The following PIGF variants were observed in gnomAD, a reference collection of about 807,000 sequenced individuals.
PIGF encodes GPI ethanolamine phosphate transferase, stabilizing subunit.
A neutral mutation model predicts 26.0 loss-of-function variants in PIGF; 23 were observed. That is an observed-to-expected ratio of 0.88 (90% CI 0.64 to 1.25). The LOEUF is 1.25. PIGF is among the 50% of genes most tolerant of loss of function. PIGF has a pLI of 0.00. For synonymous variants in PIGF, 93 were observed against 92.6 expected (o/e 1.00, Z -0.03); for missense variants, 278 against 249.9 (o/e 1.11, Z -0.76).
chr2:46,598,432 A>C (rs1358853796), intron 4 of PIGF, among the ~76,000 whole-genome samples: 1 of 152,052 alleles, frequency 6.6e-6, no homozygotes, highest in Non-Finnish European at 1.5e-5. Flanking sequence ...TATTAGTGTA[A>C]GCTTCTCTAA....
At chr2:46,598,896 A>C (rs1169124110) in intron 4 of PIGF, among the ~76,000 whole-genome samples, 3 of 152,186 alleles carry the variant, frequency 2.0e-5, no homozygotes, top group Admixed American at 1.3e-4. Context: ...AAAACAGCTG[A>C]CTGGATGCTT....
At position 46,581,507 on chromosome 2, in the gene PIGF, T is replaced by C; in HGVS notation, c.631A>G (p.Arg211Gly). The change falls in exon 6 of 6, where the codon AGA becomes GGA. Residue 211 changes from arginine to glycine, a missense_variant. Arg to Gly is a moderately radical substitution (Grantham distance 125). Coordinates refer to ENST00000281382, the MANE Select transcript of PIGF (RefSeq NM_002643.4). ...TTGTTCTTGTATGTAAGTTGCTTTC[T>C]ATTCCAGTATATCCAGAGTGGTGAA... ...VISPLWIYWN[R>G]KQLTYKNN 1.9e-6 allele frequency: 3 copies of C among 1,611,542 alleles called. No individual in the cohort carries two copies. Among genetic ancestry groups the C allele is most frequent in the Non-Finnish European group, 2.5e-6 (3 of 1,179,544 alleles).
intron 1 of PIGF, 50 bp downstream of exon 1, chr2:46,616,920 T>C: frequency 2.5e-6 from 1 of 396,278 alleles, no homozygotes; most frequent in Non-Finnish European, 4.6e-6. Context: ...TTCGCGGGGG[T>C]AGCTTGCACC....
chr2:46,581,235 G>A lies in PIGF; in HGVS notation c.*243C>T, dbSNP rs926374965. ...CTCAGAATTCTATAAAGTGTATTAA[G>A]AATGTTCCTTAAAGGTTTAAGAAGC... On this transcript the variant is annotated 3_prime_UTR_variant, in exon 6 of 6. Coordinates refer to ENST00000281382, the MANE Select transcript of PIGF (RefSeq NM_002643.4). 257 of 998,516 alleles carry A rather than the reference G, an allele frequency of 2.6e-4. 1 individual carries two copies. The highest frequency in any genetic ancestry group is 5.9e-5 in the Non-Finnish European group (41 of 693,694). The allele number at this position is 998,516 out of a possible 1,614,324, so 61.9% of individuals were successfully genotyped here.
At position 46,614,979 on chromosome 2, in the gene PIGF, C is replaced by A; in HGVS notation, c.186G>T (p.Val62=). 6.3e-7 allele frequency: 1 copy of A among 1,596,866 alleles called. No individual in the cohort carries two copies. The highest frequency in any genetic ancestry group is 1.1e-5 in the South Asian group (1 of 90,656). The change falls in exon 2 of 6, where the codon GTG becomes GTT. Residue 62 remains valine (V), a synonymous_variant. Transcript: ENST00000281382. The stretch of plus-strand genomic sequence containing the variant: ...TTCTTTTAGAGGATGTATTTGGTTT[C>A]ACTACTAAATATAGTACTAGATTGA... ...TAVNLVLYLV[V]KPNTSSKRSS...
intron 4 of PIGF, among the ~76,000 whole-genome samples, chr2:46,599,199 G>A (rs1669981895): frequency 6.6e-6 from 1 of 151,938 alleles, no homozygotes; most frequent in Non-Finnish European, 1.5e-5. Flanking sequence ...GGATATGAAG[G>A]GTACAATTAT....
At chr2:46,608,602 ATG>A (rs1202415222) in intron 4 of PIGF, among the ~76,000 whole-genome samples, 4 of 152,200 alleles carry the variant, frequency 2.6e-5, no homozygotes, top group Non-Finnish European at 2.9e-5. Context: ...GCCTTACAAA[ATG>A]TGTTTCTTAA....
chr2:46,597,220 T>A (rs568205212), intron 4 of PIGF, among the ~76,000 whole-genome samples: 3 of 146,886 alleles, frequency 2.0e-5, no homozygotes, highest in Non-Finnish European at 4.4e-5. Flanking sequence ...TCCATCTATC[T>A]TCCTTTTTCT....
chr2:46,608,863 G>A (rs1174456947), intron 4 of PIGF, among the ~76,000 whole-genome samples: 4 of 152,070 alleles, frequency 2.6e-5, no homozygotes, highest in East Asian at 3.9e-4. Flanking sequence ...TCCAGACTTC[G>A]TTGTTCCATT....
chr2:46,598,123 G>A (rs1669944466), intron 4 of PIGF, among the ~76,000 whole-genome samples: 1 of 150,876 alleles, frequency 6.6e-6, no homozygotes, highest in Non-Finnish European at 1.5e-5. Flanking sequence ...TTCAAGTTTT[G>A]TCTCTACTTC....
At chr2:46,594,036 G>A (rs1347204346) in intron 4 of PIGF, among the ~76,000 whole-genome samples, 2 of 152,158 alleles carry the variant, frequency 1.3e-5, no homozygotes, top group Non-Finnish European at 2.9e-5. Flanking sequence ...ACTATTTGTA[G>A]GGCTTTATTA....
intron 4 of PIGF, among the ~76,000 whole-genome samples, chr2:46,608,681 G>C (rs1325471637): frequency 6.6e-6 from 1 of 152,022 alleles, no homozygotes; most frequent in Non-Finnish European, 1.5e-5. Context: ...TTGTGTTGTA[G>C]GCATGAAAAA....
rs1459049252 is a variant in PIGF, at chr2:46,612,302, AG to A, written c.362del (p.Thr121IlefsTer11). The A allele has an allele frequency of 6.7e-7, 1 of 1,490,836 alleles. No individual in the cohort carries two copies. The highest frequency in any genetic ancestry group is 9.0e-7 in the Non-Finnish European group (1 of 1,112,060). The allele number at this position is 1,490,836 out of a possible 1,614,324, so 92.4% of individuals were successfully genotyped here. ...AACATAAGCAAGGCACAGTAGTAAA[AG>A]TAGACAAAATAACTGCAAATAAAAA... ...ETFLFAVILSTFTTVPCLCLL... is the reference protein window; with the variant it reads ...ETFLFAVILSXFTTVPCLCLL... On this transcript the variant is annotated frameshift_variant, in exon 4 of 6. Coordinates refer to ENST00000281382, the MANE Select transcript of PIGF (RefSeq NM_002643.4). LOFTEE classifies it high-confidence loss of function.
In PIGF at chr2:46,588,064, G is replaced by A. The variant is rs187929990; in HGVS notation, c.546+4411C>T. On this transcript the variant is annotated intron_variant, in intron 5 of 5. Transcript: ENST00000281382. The surrounding 1 kb of genome is among the most constrained non-coding windows in gnomAD (Gnocchi z 4.1). The stretch of plus-strand genomic sequence containing the variant: ...GGACTTTCTAGTGTATAAAATGGGA[G>A]TAAAACCTACCTTGCACTACGGTTG... 27 of 1,552,174 alleles carry A rather than the reference G, an allele frequency of 1.7e-5. No individual in the cohort carries two copies. The Admixed American group carries it at 5.3e-4, about 30-fold the overall frequency.
At chr2:46,591,312 A>G (rs914682318) in intron 5 of PIGF, 4 of 153,486 alleles carry the variant, frequency 2.6e-5, no homozygotes, top group African/African-American at 9.6e-5. Flanking sequence ...AGGCATGGAG[A>G]GAGACAGCTG....
At position 46,588,199 on chromosome 2, in the gene PIGF, T is replaced by C; in HGVS notation, c.546+4276A>G. 6.2e-7 allele frequency: 1 copy of C among 1,609,534 alleles called. No homozygotes were observed. The highest frequency in any genetic ancestry group is 2.2e-5 in the East Asian group (1 of 44,632). On this transcript the variant is annotated intron_variant, in intron 5 of 5. Transcript: ENST00000281382. This position sits in a 1 kb window ranked among gnomAD's most constrained non-coding sequence, Gnocchi z 4.1. ...TGTCATCTGAAATGTCAGACAGGAT[T>C]GAAAATTATGTGAAATCCAAATACC... is the stretch of plus-strand genomic sequence containing the variant.
intron 5 of PIGF, among the ~76,000 whole-genome samples, chr2:46,585,431 A>G (rs1259610562): frequency 6.6e-6 from 1 of 152,242 alleles, no homozygotes; most frequent in Non-Finnish European, 1.5e-5. Context: ...ATCTAATTAA[A>G]AAATAAGTGG....
chr2:46,609,294 A>G (rs528765838), intron 4 of PIGF, among the ~76,000 whole-genome samples: 2 of 152,308 alleles, frequency 1.3e-5, no homozygotes, highest in African/African-American at 2.4e-5. Flanking sequence ...CTCAGCCTTC[A>G]CAGAAATGAA....
intron 4 of PIGF, among the ~76,000 whole-genome samples, chr2:46,593,519 T>C (rs1669787749): frequency 6.6e-6 from 1 of 152,226 alleles, no homozygotes. Flanking sequence ...GAACAAAGTA[T>C]TTCAAAAGAT....
Sources: allele counts gnomAD v4.1 joint callset (sites outside exome capture counted in the v4.1 genomes callset), GRCh38; gene constraint gnomAD v4.1.1; non-coding constraint Gnocchi (gnomAD v3.1); transcripts MANE v1.5; gene names NCBI Gene and HGNC (gene_info 2026-07-23, HGNC 2026-07-21).